The following GRIK2 variants were observed in gnomAD, a reference collection of about 807,000 sequenced individuals.
GRIK2 encodes the protein glutamate receptor ionotropic, kainate 2.
In GRIK2, 32 loss-of-function variants were observed where a neutral mutation model predicts 100.3. The observed-to-expected ratio is 0.32, with a 90% confidence interval of 0.24 to 0.43. GRIK2 has a LOEUF of 0.43. Ranked by LOEUF, GRIK2 falls within the 20% of genes least tolerant of loss-of-function variation. The pLI is 1.00. For synonymous variants in GRIK2, 417 were observed against 389.4 expected (o/e 1.07, Z -0.83); for missense variants, 843 against 1,114.9 (o/e 0.76, Z 3.47).
intron 2 of GRIK2, among the ~76,000 whole-genome samples, chr6:101,552,913 T>G (rs1355064664): frequency 6.6e-6 from 1 of 152,194 alleles, no homozygotes; most frequent in Non-Finnish European, 1.5e-5. Flanking sequence ...AACTACTAGA[T>G]TTTCATAAGT....
chr6:102,004,821 T>C (rs1795127382), intron 14 of GRIK2, among the ~76,000 whole-genome samples: 2 of 151,954 alleles, frequency 1.3e-5, no homozygotes, highest in African/African-American at 2.4e-5. Context: ...ATTATATTGT[T>C]ATAGTTAAAC....
intron 14 of GRIK2, among the ~76,000 whole-genome samples, chr6:102,003,915 T>C (rs572746759): frequency 1.4e-4 from 22 of 151,880 alleles, no homozygotes; most frequent in African/African-American, 4.1e-4. Flanking sequence ...TGATTTATAA[T>C]ATAATCATAT....
intron 7 of GRIK2, among the ~76,000 whole-genome samples, chr6:101,794,303 G>A (rs1487852897): frequency 6.6e-6 from 1 of 151,860 alleles, no homozygotes; most frequent in Non-Finnish European, 1.5e-5. Context: ...CTTCTGCGTC[G>A]CTCACGCTGG....
intron 10 of GRIK2, among the ~76,000 whole-genome samples, chr6:101,847,494 C>G (rs1393813233): frequency 6.6e-6 from 1 of 151,846 alleles, no homozygotes; most frequent in African/African-American, 2.4e-5. Flanking sequence ...ATTTTTTGTT[C>G]TGGGTGGCCA....
intron 15 of GRIK2, among the ~76,000 whole-genome samples, chr6:102,051,454 C>T (rs1771190649): frequency 6.6e-6 from 1 of 151,934 alleles, no homozygotes; most frequent in South Asian, 2.1e-4. Flanking sequence ...CCACTGAGAG[C>T]AGCGATATAG....
rs556495100 is a variant in GRIK2 at position 101,904,349 on chromosome 6, T to G, written c.1748+14486T>G. On this transcript the variant is annotated intron_variant, in intron 12 of 16. Coordinates refer to ENST00000369134, the MANE Select transcript of GRIK2 (RefSeq NM_021956.5). ...AGTTTATGACTTCATAGAACTTGTG[T>G]ATAGATAACAATTTGAAGTTTTTAA... 3.3e-5 allele frequency among the ~76,000 whole-genome samples: 5 copies of G among 151,616 alleles called. No homozygotes were observed. In the East Asian group the frequency reaches 9.7e-4, roughly 29 times the overall value.
At chr6:101,532,101 G>T (rs543860140) in intron 2 of GRIK2, among the ~76,000 whole-genome samples, 1 of 151,872 alleles carries the variant, frequency 6.6e-6, no homozygotes, top group South Asian at 2.1e-4. Context: ...TTTCTGTGGT[G>T]GGGTGCCGTT....
chr6:101,907,659 G>A (rs561820986), intron 12 of GRIK2, among the ~76,000 whole-genome samples: 1 of 151,588 alleles, frequency 6.6e-6, no homozygotes, highest in Non-Finnish European at 1.5e-5. Context: ...GGGTTTTGCG[G>A]TTTTTAAGAG....
At chr6:101,686,556 G>T (rs1382230337) in intron 7 of GRIK2, among the ~76,000 whole-genome samples, 2 of 152,026 alleles carry the variant, frequency 1.3e-5, no homozygotes, top group Admixed American at 1.3e-4. Flanking sequence ...TTCCATCCAA[G>T]TATCTCAAAA....
rs115230572 is a variant in GRIK2, at chr6:101,553,898, G to A, written c.116-68051G>A. On this transcript the variant is annotated intron_variant, in intron 2 of 16. Coordinates refer to ENST00000369134, the MANE Select transcript of GRIK2 (RefSeq NM_021956.5). ...CGCCTTGAATCACAGTACTCACTTT[G>A]TACTTGCCTGCCCATACCGCCTTCC... Among the ~76,000 whole-genome samples the A allele has an allele frequency of 6.9e-3, 1,045 of 152,292 alleles. 12 individuals carry two copies. Among genetic ancestry groups the A allele is most frequent in the African/African-American group, 0.024 (989 of 41,550 alleles).
At chr6:102,001,703 G>C (rs533243678) in intron 14 of GRIK2, among the ~76,000 whole-genome samples, 1 of 151,940 alleles carries the variant, frequency 6.6e-6, no homozygotes, top group Non-Finnish European at 1.5e-5. Context: ...TTTCCAGTCT[G>C]GTCGTGTAGT....
At chr6:101,588,288 A>G (rs960569015) in intron 2 of GRIK2, among the ~76,000 whole-genome samples, 1 of 152,112 alleles carries the variant, frequency 6.6e-6, no homozygotes, top group African/African-American at 2.4e-5. Flanking sequence ...GGAAAGATGT[A>G]TATGTAAAAG....
intron 10 of GRIK2, among the ~76,000 whole-genome samples, chr6:101,835,740 C>T (rs567196255): frequency 8.8e-5 from 13 of 148,344 alleles, no homozygotes; most frequent in South Asian, 4.3e-4. Flanking sequence ...GCTGGGATTA[C>T]AGCCGTGAAC....
intron 3 of GRIK2, among the ~76,000 whole-genome samples, chr6:101,623,236 C>T (rs1002170572): frequency 6.6e-6 from 1 of 151,902 alleles, no homozygotes; most frequent in African/African-American, 2.4e-5. Context: ...TGAAAGTATC[C>T]TTCTTTTCCC....
intron 5 of GRIK2, among the ~76,000 whole-genome samples, chr6:101,680,310 G>A (rs1771152095): frequency 6.6e-6 from 1 of 152,106 alleles, no homozygotes; most frequent in Admixed American, 6.6e-5. Flanking sequence ...AATTTTCAAG[G>A]AAGGAACAGG....
chr6:101,478,512 T>A (rs1438012715), intron 2 of GRIK2, among the ~76,000 whole-genome samples: 1 of 148,906 alleles, frequency 6.7e-6, no homozygotes, highest in Non-Finnish European at 1.5e-5. Flanking sequence ...TTTGGTTTTT[T>A]TTTTTTTTTT....
chr6:101,706,093 G>A (rs369607091), intron 7 of GRIK2, among the ~76,000 whole-genome samples: 1 of 151,926 alleles, frequency 6.6e-6, no homozygotes, highest in African/African-American at 2.4e-5. Flanking sequence ...TTCAGGCTTT[G>A]ATTTTTGTTA....
chr6:101,567,845 C>T (rs1339202383), intron 2 of GRIK2, among the ~76,000 whole-genome samples: 1 of 151,858 alleles, frequency 6.6e-6, no homozygotes, highest in Admixed American at 6.6e-5. Context: ...TCATTTTGTT[C>T]TTTACTGTCT....
intron 2 of GRIK2, among the ~76,000 whole-genome samples, chr6:101,434,725 C>T (rs1769616064): frequency 6.6e-6 from 1 of 152,058 alleles, no homozygotes; most frequent in African/African-American, 2.4e-5. Context: ...TCTAACATGT[C>T]ACACACCCGG....
Sources: allele counts gnomAD v4.1 joint callset (sites outside exome capture counted in the v4.1 genomes callset), GRCh38; gene constraint gnomAD v4.1.1; transcripts MANE v1.5; gene names NCBI Gene and HGNC (gene_info 2026-07-23, HGNC 2026-07-21).